Variants in PROSER2 observed in about 807,000 individuals in gnomAD.
PROSER2 encodes proline and serine-rich protein 2.
PROSER2 carries 18 observed loss-of-function variants against 14.6 expected under a neutral mutation model. The ratio of observed to expected loss-of-function variants is 1.23; its 90% confidence interval spans 0.85 to 1.83. The LOEUF is 1.83. Among genes scored for constraint, PROSER2 ranks in the 40% most tolerant of loss-of-function variants. The pLI, the probability that PROSER2 is intolerant of heterozygous loss-of-function variation, is 0.00. For synonymous variants in PROSER2, 367 were observed against 286.4 expected (o/e 1.28, Z -2.84); for missense variants, 823 against 629.8 (o/e 1.31, Z -3.28).
Position 11,862,830 on chromosome 10 carries a change from A to G in PROSER2, c.139-3701A>G, listed in dbSNP as rs963858638. ...AGGAGTACTCACCTGTATTATGGAG[A>G]AAAAAAAGCTCAACATCATTAGTCT... On this transcript the variant is annotated intron_variant, in intron 2 of 3. Transcript: ENST00000277570. The surrounding 1 kb of genome is among the most constrained non-coding windows in gnomAD (Gnocchi z 4.2). 2 of 152,114 alleles carry G rather than the reference A, an allele frequency of 1.3e-5. No homozygotes were observed. The highest frequency in any genetic ancestry group is 2.9e-5 in the Non-Finnish European group (2 of 68,020). The allele number at this position is 152,114 out of a possible 1,614,324, so 9.4% of individuals were successfully genotyped here.
In PROSER2 at chr10:11,869,479, T is replaced by C; in HGVS notation, c.392-11T>C. 6.2e-7 allele frequency: 1 copy of C among 1,608,494 alleles called. No homozygotes were observed. On this transcript the variant is annotated splice_polypyrimidine_tract_variant and intron_variant, in intron 3 of 3. Transcript: ENST00000277570. The surrounding 1 kb of genome is among the most constrained non-coding windows in gnomAD (Gnocchi z 4.4). ...GGCCGGTGGCTCACAGGCTCCTCCC[T>C]TGTCTTCCAGGGCCTGCACCTGCTG...
At chr10:11,852,274 ATCCCTC>A in intron 2 of PROSER2, 59 bp downstream of exon 2, 1 of 1,524,706 alleles carries the variant, frequency 6.6e-7, no homozygotes, top group Non-Finnish European at 8.9e-7. Flanking sequence ...TTTTGCCTCA[ATCCCTC>A]TCCCTTGAAG....
chr10:11,860,601 C>T lies in PROSER2; in HGVS notation c.139-5930C>T, dbSNP rs148887405. ...CTGCACTCCAGCCTGGGTGACAGAG[C>T]GAGACTCCATCTCAAAAAAAAAAGA... is the stretch of plus-strand genomic sequence containing the variant. On this transcript the variant is annotated intron_variant, in intron 2 of 3. Transcript: ENST00000277570. 8.1e-3 allele frequency among the ~76,000 whole-genome samples: 1,218 copies of T among 151,304 alleles called. 14 individuals carry two copies. The highest frequency in any genetic ancestry group is 0.028 in the African/African-American group (1,166 of 41,174).
At position 11,838,835 on chromosome 10, in the gene PROSER2, C is replaced by A. The variant is rs1250668186; in HGVS notation, c.-81-13162C>A. 6.6e-6 allele frequency among the ~76,000 whole-genome samples: 1 copy of A among 151,960 alleles called. No homozygotes were observed. Among genetic ancestry groups the A allele is most frequent in the African/African-American group, 2.4e-5 (1 of 41,356 alleles). On this transcript the variant is annotated intron_variant, in intron 1 of 3. Transcript: ENST00000277570. This position sits in a 1 kb window ranked among gnomAD's most constrained non-coding sequence, Gnocchi z 4.4. ...CATATTCCTTGTTCATTATTTTTTTCTGAGTTTCTTATTAGTTTAGAAGGT... is the reference window on the plus strand; with the variant it reads ...CATATTCCTTGTTCATTATTTTTTTATGAGTTTCTTATTAGTTTAGAAGGT...
In PROSER2 at chr10:11,823,625, A is replaced by T. The variant is rs1687611473; in HGVS notation, c.-82+155A>T. Among the ~76,000 whole-genome samples the T allele has an allele frequency of 6.6e-6, 1 of 151,440 alleles. No individual in the cohort carries two copies. Among genetic ancestry groups the T allele is most frequent in the Non-Finnish European group, 1.5e-5 (1 of 67,818 alleles). Reference sequence around the variant, plus strand: ...GCGCGCTCCTCGCTCTGACTAGGGGAGCCCGGCGCCGCCGCCGCAGAGGCC... The same window carrying T: ...GCGCGCTCCTCGCTCTGACTAGGGGTGCCCGGCGCCGCCGCCGCAGAGGCC... On this transcript the variant is annotated intron_variant, in intron 1 of 3. Transcript: ENST00000277570. The surrounding 1 kb of genome is among the most constrained non-coding windows in gnomAD (Gnocchi z 6.2).
At chr10:11,855,150 T>G (rs1020221586) in intron 2 of PROSER2, among the ~76,000 whole-genome samples, 1 of 151,190 alleles carries the variant, frequency 6.6e-6, no homozygotes, top group Non-Finnish European at 1.5e-5. Context: ...GTTTTTTGTT[T>G]TTTTTTTTTT....
rs1018906537 is a variant in PROSER2, at chr10:11,869,016, C to T, written c.392-474C>T. ...CCAGGTGATCTGTGACTGATACATG[C>T]TATGTAAGGACTCAGAGGCAGGCCT... On this transcript the variant is annotated intron_variant, in intron 3 of 3. Transcript: ENST00000277570. This position sits in a 1 kb window ranked among gnomAD's most constrained non-coding sequence, Gnocchi z 4.4. Among the ~76,000 whole-genome samples the T allele has an allele frequency of 9.2e-5, 14 of 152,190 alleles. No individual in the cohort carries two copies. Among genetic ancestry groups the T allele is most frequent in the Non-Finnish European group, 1.8e-4 (12 of 68,028 alleles).
At chr10:11,829,086 A>G (rs1381304544) in intron 1 of PROSER2, among the ~76,000 whole-genome samples, 1 of 152,044 alleles carries the variant, frequency 6.6e-6, no homozygotes, top group Admixed American at 6.6e-5. Context: ...CTTTCTGAGT[A>G]GGTTGCAGTG....
intron 2 of PROSER2, among the ~76,000 whole-genome samples, chr10:11,861,631 C>T (rs796414965): frequency 4.6e-5 from 7 of 152,274 alleles, no homozygotes; most frequent in East Asian, 3.9e-4. Context: ...GAGCAAGAAG[C>T]GACAAACCAT....
intron 1 of PROSER2, among the ~76,000 whole-genome samples, chr10:11,825,704 T>A (rs753700080): frequency 4.6e-5 from 7 of 152,150 alleles, no homozygotes; most frequent in Non-Finnish European, 1.0e-4. Context: ...AGAAAGTTGG[T>A]GCTAGGTTTC....
rs1415038782 is a variant in PROSER2 at position 11,870,030 on chromosome 10, C to A, written c.932C>A (p.Ser311Tyr). The stretch of plus-strand genomic sequence containing the variant: ...GGCGAGGGGGCCCCAGGGGGCGGCT[C>A]CTCCCCGGAGCGGGTGGCGCGTGGC... Reference protein sequence around the residue: ...DAGEGAPGGGSSPERVARGRG... With the variant: ...DAGEGAPGGGYSPERVARGRG... The change falls in exon 4 of 4, where the codon TCC (serine) becomes TAC (tyrosine). Residue 311 changes from serine to tyrosine, a missense_variant. By Grantham distance (144) the Ser-to-Tyr change is moderately radical. Transcript: ENST00000277570. 4 of 1,240,532 alleles carry A rather than the reference C, an allele frequency of 3.2e-6. No homozygotes were observed. Among genetic ancestry groups the A allele is most frequent in the Non-Finnish European group, 4.0e-6 (4 of 993,190 alleles). The allele number at this position is 1,240,532 out of a possible 1,614,324, so 76.8% of individuals were successfully genotyped here. A position where few individuals can be genotyped will look rare whatever the true frequency, so the allele number is the denominator to read the frequency against.
Position 11,823,808 on chromosome 10 carries a change from C to G in PROSER2, c.-82+338C>G, listed in dbSNP as rs2131039075. Among the ~76,000 whole-genome samples the G allele has an allele frequency of 6.6e-6, 1 of 152,272 alleles. No homozygotes were observed. The highest frequency in any genetic ancestry group is 2.1e-4 in the South Asian group (1 of 4,824). On this transcript the variant is annotated intron_variant, in intron 1 of 3. Transcript: ENST00000277570. This position sits in a 1 kb window ranked among gnomAD's most constrained non-coding sequence, Gnocchi z 6.2. Reference sequence around the variant, plus strand: ...CAGCCTTGGGCGCAGAGGGTCCCCGCTGTCCCCACCGTCCGTCCCCCAACC... The same window carrying G: ...CAGCCTTGGGCGCAGAGGGTCCCCGGTGTCCCCACCGTCCGTCCCCCAACC...
At chr10:11,833,456 C>T (rs1350090966) in intron 1 of PROSER2, among the ~76,000 whole-genome samples, 1 of 151,626 alleles carries the variant, frequency 6.6e-6, no homozygotes, top group Non-Finnish European at 1.5e-5. Flanking sequence ...TTTGGGAGGC[C>T]AAGAGGGGTG....
intron 2 of PROSER2, among the ~76,000 whole-genome samples, chr10:11,855,328 G>A (rs1834103559): frequency 6.6e-6 from 1 of 151,896 alleles, no homozygotes; most frequent in African/African-American, 2.4e-5. Flanking sequence ...AAAAAAATTA[G>A]CTGGGCGTGT....
intron 1 of PROSER2, among the ~76,000 whole-genome samples, chr10:11,834,310 A>G (rs544491157): frequency 6.6e-6 from 1 of 151,812 alleles, no homozygotes; most frequent in East Asian, 2.0e-4. Context: ...GCACTTTCAT[A>G]GGAGACCTGG....
rs1471854169 is a variant in PROSER2 at position 11,865,092 on chromosome 10, ATTATT to A, written c.139-1429_139-1425del. Among the ~76,000 whole-genome samples the A allele has an allele frequency of 2.0e-5, 3 of 152,044 alleles. No homozygotes were observed. Among genetic ancestry groups the A allele is most frequent in the Admixed American group, 6.6e-5 (1 of 15,264 alleles). On this transcript the variant is annotated intron_variant, in intron 2 of 3. Coordinates refer to ENST00000277570, the MANE Select transcript of PROSER2 (RefSeq NM_153256.4). The surrounding 1 kb of genome is among the most constrained non-coding windows in gnomAD (Gnocchi z 4.2). The stretch of plus-strand genomic sequence containing the variant: ...TTCCTGTTTAGGGGCATTTCCCTGA[ATTATT>A]TTATTTTATAATTTCTTCCTCTCAT...
At chr10:11,826,870 G>A (rs1004194498) in intron 1 of PROSER2, among the ~76,000 whole-genome samples, 22 of 138,860 alleles carry the variant, frequency 1.6e-4, no homozygotes, top group Admixed American at 4.4e-4. Context: ...ATGAGCCACT[G>A]CACCCGGCCT....
Position 11,869,869 on chromosome 10 carries a change from C to T in PROSER2, c.771C>T (p.Ile257=), listed in dbSNP as rs1198153633. Residue 257 remains isoleucine, a synonymous_variant, in exon 4 of 4, where the codon ATC becomes ATT. Coordinates refer to ENST00000277570, the MANE Select transcript of PROSER2 (RefSeq NM_153256.4). The surrounding 1 kb of genome is among the most constrained non-coding windows in gnomAD (Gnocchi z 4.4). ...QPKAPRFPSN[I]IVTNGAAREP... Reference sequence around the variant, plus strand: ...AGGCACCCCGCTTCCCCAGCAACATCATCGTCACCAACGGCGCGGCCCGGG... The same window carrying T: ...AGGCACCCCGCTTCCCCAGCAACATTATCGTCACCAACGGCGCGGCCCGGG... 1.3e-6 allele frequency: 2 copies of T among 1,594,726 alleles called. No individual in the cohort carries two copies. The highest frequency in any genetic ancestry group is 1.7e-6 in the Non-Finnish European group (2 of 1,172,722).
rs956883090 is a variant in PROSER2, at chr10:11,872,178, C to G, written c.*1772C>G. On this transcript the variant is annotated 3_prime_UTR_variant, in exon 4 of 4. Coordinates refer to ENST00000277570, the MANE Select transcript of PROSER2 (RefSeq NM_153256.4). ...TGAGGACTGCATCTTTTTCACTGAC[C>G]CTATGATTTCACTGTGAGTAGGGTG... The G allele has an allele frequency of 6.6e-6, 1 of 152,184 alleles. No homozygotes were observed. The highest frequency in any genetic ancestry group is 2.1e-4 in the South Asian group (1 of 4,820). 9.4% of individuals were successfully genotyped at this position (152,184 alleles called of 1,614,324 possible).
Sources: gnomAD v4.1 joint callset for allele counts (sites outside exome capture counted in the v4.1 genomes callset) on GRCh38, gnomAD v4.1.1 for gene constraint, Gnocchi (gnomAD v3.1) non-coding constraint, MANE v1.5 for transcripts, NCBI Gene and HGNC (gene_info 2026-07-23, HGNC 2026-07-21) for gene names.